Variants in NETO2 observed in about 807,000 individuals in gnomAD.
The protein encoded by NETO2 is neuropilin and tolloid-like protein 2.
NETO2 carries 28 observed loss-of-function variants against 62.5 expected under a neutral mutation model. The observed-to-expected ratio is 0.45, with a 90% confidence interval of 0.33 to 0.61. The LOEUF (loss-of-function observed/expected upper bound fraction) is 0.61. NETO2 is among the 20% of genes least tolerant of loss of function. The pLI, the probability that NETO2 is intolerant of heterozygous loss-of-function variation, is 0.02. For synonymous variants in NETO2, 214 were observed against 219.1 expected, an observed-to-expected ratio of 0.98 and a Z score of 0.21; for missense variants, 548 against 643.2, an observed-to-expected ratio of 0.85 and a Z score of 1.60.
At chr16:47,140,365 TAGG>T (rs972092618) in intron 1 of NETO2, among the ~76,000 whole-genome samples, 2 of 152,184 alleles carry the variant, frequency 1.3e-5, no homozygotes, top group African/African-American at 4.8e-5. Context: ...TGAAAAATGA[TAGG>T]AGATTGTGCT....
chr16:47,121,701 T>C (rs1049532356), intron 6 of NETO2, among the ~76,000 whole-genome samples: 4 of 152,212 alleles, frequency 2.6e-5, no homozygotes, highest in Admixed American at 6.5e-5. Flanking sequence ...GGACTCTTCT[T>C]TTCTCAGTAT....
intron 1 of NETO2, among the ~76,000 whole-genome samples, chr16:47,138,049 C>G (rs927826281): frequency 6.6e-6 from 1 of 152,170 alleles, no homozygotes; most frequent in Admixed American, 6.5e-5. Flanking sequence ...GCTCCCATGT[C>G]TGCATTCTAG....
In NETO2 at chr16:47,081,622, C is replaced by T. The variant is rs1327917757; in HGVS notation, c.*1599G>A. ...GTAATATTTAAAAGTTAATGAAATC[C>T]AGTGAAACTTCAACTTATTTCATTG... On this transcript the variant is annotated 3_prime_UTR_variant, in exon 9 of 9. Coordinates refer to ENST00000562435, the MANE Select transcript of NETO2 (RefSeq NM_018092.5). 6.6e-6 allele frequency: 1 copy of T among 152,400 alleles called. No individual in the cohort carries two copies. Among genetic ancestry groups the T allele is most frequent in the Non-Finnish European group, 1.5e-5 (1 of 67,956 alleles). 9.4% of individuals were successfully genotyped at this position (152,400 alleles called of 1,614,324 possible). A position where few individuals can be genotyped will look rare whatever the true frequency, so the allele number is the denominator to read the frequency against.
Position 47,129,245 on chromosome 16 carries a change from C to T in NETO2, c.211G>A (p.Glu71Lys). The T allele has an allele frequency of 6.2e-7, 1 of 1,614,014 alleles. No homozygotes were observed. Among genetic ancestry groups the T allele is most frequent in the Non-Finnish European group, 8.5e-7 (1 of 1,179,930 alleles). Reference sequence around the variant, plus strand: ...ATACCTTCCAAAATGTAGATACACTCCTTGTTTGGTGGATATGAGTCAGGA... The same window carrying T: ...ATACCTTCCAAAATGTAGATACACTTCTTGTTTGGTGGATATGAGTCAGGA... Reference protein sequence around the residue: ...NYPDSYPPNKECIYILEAAPR... With the variant: ...NYPDSYPPNKKCIYILEAAPR... The change falls in exon 3 of 9, where the codon GAG becomes AAG. Residue 71 changes from glutamate to lysine, a missense_variant. Physicochemically the swap from Glu to Lys is moderately conservative, Grantham distance 56. Coordinates refer to ENST00000562435, the MANE Select transcript of NETO2 (RefSeq NM_018092.5).
rs778137164 is a variant in NETO2 at position 47,083,491 on chromosome 16, G to A, written c.1308C>T (p.His436=). ...AGGCCTGCGACCCACAGTGGTGGTC[G>A]TGGATGCAGCGGGAGGCGGTGGAGG... is the stretch of plus-strand genomic sequence containing the variant. ...RRSSTASRCI[H]DHHCGSQASS... The change falls in exon 9 of 9, where the codon CAC becomes CAT. Residue 436 remains histidine (H), a synonymous_variant. Coordinates refer to ENST00000562435, the MANE Select transcript of NETO2 (RefSeq NM_018092.5). 6.8e-6 allele frequency: 11 copies of A among 1,614,226 alleles called. No homozygotes were observed. Among genetic ancestry groups the A allele is most frequent in the Non-Finnish European group, 8.5e-6 (10 of 1,180,046 alleles).
At chr16:47,086,051 A>G (rs1963182471) in intron 8 of NETO2, among the ~76,000 whole-genome samples, 175 bp downstream of exon 8, 2 of 152,172 alleles carry the variant, frequency 1.3e-5, no homozygotes, top group Admixed American at 6.5e-5. Flanking sequence ...GCTTGCAGTG[A>G]GCCGAGATTG....
At chr16:47,096,750 T>G (rs1596708577) in intron 7 of NETO2, among the ~76,000 whole-genome samples, 1 of 152,224 alleles carries the variant, frequency 6.6e-6, no homozygotes, top group African/African-American at 2.4e-5. Context: ...CTGGGCAAGA[T>G]GGCCGAATAG....
At chr16:47,123,791 G>C (rs1384375292) in intron 4 of NETO2, among the ~76,000 whole-genome samples, 1 of 152,160 alleles carries the variant, frequency 6.6e-6, no homozygotes, top group Admixed American at 6.5e-5. Context: ...TCTGCTTCCC[G>C]GGTTCAAGCA....
At chr16:47,105,120 A>G (rs1317349407) in intron 7 of NETO2, among the ~76,000 whole-genome samples, 1 of 150,074 alleles carries the variant, frequency 6.7e-6, no homozygotes, top group Non-Finnish European at 1.5e-5. Flanking sequence ...CTGGTCTCAA[A>G]CTCCTGGACT....
At chr16:47,124,804 ATCC>A (rs1964121388) in intron 4 of NETO2, among the ~76,000 whole-genome samples, 1 of 152,246 alleles carries the variant, frequency 6.6e-6, no homozygotes, top group African/African-American at 2.4e-5. Flanking sequence ...ATATTACATA[ATCC>A]TCCTGACATT....
At chr16:47,142,984 G>C (rs1964492204) in intron 1 of NETO2, among the ~76,000 whole-genome samples, 1 of 151,826 alleles carries the variant, frequency 6.6e-6, no homozygotes, top group African/African-American at 2.4e-5. Context: ...GACAAGCCGG[G>C]TCCGCGGCGC....
chr16:47,109,805 T>A, intron 6 of NETO2, 94 bp from the exon 7 acceptor site: 3 of 789,114 alleles, frequency 3.8e-6, no homozygotes, highest in Non-Finnish European at 6.1e-6. Context: ...GGACACCGAA[T>A]GACAGCTGAC....
At chr16:47,096,145 T>C (rs192058757) in intron 7 of NETO2, among the ~76,000 whole-genome samples, 4 of 152,216 alleles carry the variant, frequency 2.6e-5, no homozygotes, top group Admixed American at 6.5e-5. Flanking sequence ...CCAAAACTTA[T>C]GCAGAGTACT....
chr16:47,122,195 T>C (rs1476810599), intron 6 of NETO2, among the ~76,000 whole-genome samples: 2 of 152,344 alleles, frequency 1.3e-5, no homozygotes, highest in South Asian at 2.1e-4. Context: ...AAGCACCCCA[T>C]GAGTAGCAGA....
chr16:47,086,216 T>G lies in NETO2; in HGVS notation c.997+10A>C. On this transcript the variant is annotated intron_variant, in intron 8 of 8. Transcript: ENST00000562435. Reference sequence around the variant, plus strand: ...TTTCTCAAAAATGTTGGCCTTTACATCAAACTCACCTTTACAATGATTTTC... The same window carrying G: ...TTTCTCAAAAATGTTGGCCTTTACAGCAAACTCACCTTTACAATGATTTTC... 1 of 1,538,714 alleles carries G rather than the reference T, an allele frequency of 6.5e-7. No homozygotes were observed. The highest frequency in any genetic ancestry group is 9.0e-7 in the Non-Finnish European group (1 of 1,111,726).
At chr16:47,117,002 C>A (rs1185564524) in intron 6 of NETO2, among the ~76,000 whole-genome samples, 2 of 152,026 alleles carry the variant, frequency 1.3e-5, no homozygotes, top group Non-Finnish European at 2.9e-5. Flanking sequence ...TGAAATTTAC[C>A]CAGATATTTA....
intron 1 of NETO2, among the ~76,000 whole-genome samples, chr16:47,134,113 G>C (rs1280958429): frequency 6.6e-6 from 1 of 152,214 alleles, no homozygotes; most frequent in Non-Finnish European, 1.5e-5. Context: ...GAGTCTGCTA[G>C]TGCAAGTGGT....
chr16:47,091,996 C>CCATG (rs928821620), intron 7 of NETO2, among the ~76,000 whole-genome samples: 4 of 151,876 alleles, frequency 2.6e-5, no homozygotes, highest in African/African-American at 9.7e-5. Context: ...GTTTGCACCA[C>CCATG]CATGCCCAAC....
intron 7 of NETO2, among the ~76,000 whole-genome samples, chr16:47,102,602 A>C (rs1425524771): frequency 6.7e-6 from 1 of 149,686 alleles, no homozygotes; most frequent in East Asian, 1.9e-4. Context: ...GAAAAAAAAA[A>C]AAAAACAACC....
Sources: allele counts gnomAD v4.1 joint callset (sites outside exome capture counted in the v4.1 genomes callset), GRCh38; gene constraint gnomAD v4.1.1; transcripts MANE v1.5; gene names NCBI Gene and HGNC (gene_info 2026-07-23, HGNC 2026-07-21).